The following SPICE1 variants were observed in gnomAD, a reference collection of about 807,000 sequenced individuals.
The protein encoded by SPICE1 is spindle and centriole-associated protein 1.
A neutral mutation model predicts 102.7 loss-of-function variants in SPICE1; 75 were observed. The observed-to-expected ratio is 0.73, with a 90% CI of 0.61 to 0.88. The LOEUF (loss-of-function observed/expected upper bound fraction) is 0.88, where lower values mean the gene tolerates loss of function less well. Among genes scored for constraint, SPICE1 ranks in the 40% least tolerant of loss-of-function variants. SPICE1 has a pLI of 0.00. For synonymous variants in SPICE1, 308 were observed against 350.3 expected (o/e 0.88, Z 1.35); for missense variants, 979 against 1,020.1 (o/e 0.96, Z 0.55).
chr3:113,478,940 G>C (rs1936425119), intron 7 of SPICE1, among the ~76,000 whole-genome samples: 1 of 151,722 alleles, frequency 6.6e-6, no homozygotes, highest in Non-Finnish European at 1.5e-5. Context: ...AGAGGCTCTG[G>C]AAATTTTTTT....
At chr3:113,481,762 C>T (rs1320123328) in intron 7 of SPICE1, among the ~76,000 whole-genome samples, 2 of 152,194 alleles carry the variant, frequency 1.3e-5, no homozygotes, top group African/African-American at 4.8e-5. Flanking sequence ...TTTTTTATGG[C>T]TGCATAGTAT....
chr3:113,500,534 A>G (rs1345187153), intron 3 of SPICE1, among the ~76,000 whole-genome samples: 2 of 152,166 alleles, frequency 1.3e-5, no homozygotes, highest in Non-Finnish European at 2.9e-5. Context: ...AAAGGCTTAC[A>G]TTTTTAAAAA....
chr3:113,499,270 C>G (rs756871873), intron 4 of SPICE1, 169 bp downstream of exon 4: 2 of 624,068 alleles, frequency 3.2e-6, no homozygotes, highest in South Asian at 6.9e-5. Flanking sequence ...AACCACCAAA[C>G]CAGACTCCAG....
At chr3:113,466,845 G>C (rs1936069843) in intron 10 of SPICE1, among the ~76,000 whole-genome samples, 1 of 152,088 alleles carries the variant, frequency 6.6e-6, no homozygotes, top group South Asian at 2.1e-4. Flanking sequence ...TCAGGATTTC[G>C]AGACCAGCCT....
intron 6 of SPICE1, among the ~76,000 whole-genome samples, chr3:113,490,502 C>A (rs1027682335): frequency 6.6e-6 from 1 of 152,014 alleles, no homozygotes; most frequent in African/African-American, 2.4e-5. Flanking sequence ...ATTAGGCAGG[C>A]TTGGTGGCGT....
At chr3:113,511,742 C>A (rs955734233) in intron 1 of SPICE1, among the ~76,000 whole-genome samples, 8 of 152,016 alleles carry the variant, frequency 5.3e-5, no homozygotes, top group Non-Finnish European at 1.0e-4. Flanking sequence ...CAAACCTGCA[C>A]ATACCGCACG....
rs765632602 is a variant in SPICE1 at position 113,469,254 on chromosome 3, C to A, written c.612-16G>T. 2.1e-5 allele frequency: 29 copies of A among 1,384,334 alleles called. No individual in the cohort carries two copies. Among genetic ancestry groups the A allele is most frequent in the Non-Finnish European group, 2.8e-5 (29 of 1,041,482 alleles). 85.8% of individuals were successfully genotyped at this position (1,384,334 alleles called of 1,614,324 possible). On this transcript the variant is annotated splice_polypyrimidine_tract_variant and intron_variant, in intron 7 of 17. Transcript: ENST00000295872. ...TTGGAGAAACCTATAAATTACAGGACAATAAGCTACATGAGAATTATAATA... is the reference window on the plus strand; with the variant it reads ...TTGGAGAAACCTATAAATTACAGGAAAATAAGCTACATGAGAATTATAATA...
chr3:113,465,784 T>C lies in SPICE1; in HGVS notation c.1156A>G (p.Ser386Gly), dbSNP rs148460638. ...ACTTCTTTACGTAGCTGGATCTCAC[T>C]CTACAAAAAAATATCAAATAAACTT... is the stretch of plus-strand genomic sequence containing the variant. ...LCRLVRYLKE[S>G]EIQLRKEVET... Residue 386 changes from serine to glycine, a missense_variant and splice_region_variant, in exon 11 of 18, where the codon AGT (serine) becomes GGT (glycine). Coordinates refer to ENST00000295872, the MANE Select transcript of SPICE1 (RefSeq NM_144718.4). The C allele has an allele frequency of 6.2e-7, 1 of 1,609,128 alleles. No homozygotes were observed. The highest frequency in any genetic ancestry group is 1.3e-5 in the African/African-American group (1 of 74,742).
chr3:113,482,347 A>G (rs1287355795), intron 7 of SPICE1, among the ~76,000 whole-genome samples: 1 of 152,126 alleles, frequency 6.6e-6, no homozygotes, highest in African/African-American at 2.4e-5. Flanking sequence ...ATTTTCTCCC[A>G]TTCTGTAGAT....
At chr3:113,480,932 A>AAAGAAAGAAAGAAAG (rs750705808) in intron 7 of SPICE1, among the ~76,000 whole-genome samples, 855 of 62,616 alleles carry the variant, frequency 0.014, 22 homozygotes, top group African/African-American at 0.053. Context: ...AAGAAAGAAA[A>AAAGAAAGAAAGAAAG]AAGACCTCAG....
At chr3:113,510,771 T>C (rs1323664399) in intron 1 of SPICE1, among the ~76,000 whole-genome samples, 1 of 152,014 alleles carries the variant, frequency 6.6e-6, no homozygotes, top group East Asian at 1.9e-4. Flanking sequence ...ACAAATGGAA[T>C]CCAATTAAAC....
chr3:113,449,742 A>G (rs1362199398), intron 15 of SPICE1: 2 of 152,364 alleles, frequency 1.3e-5, no homozygotes, highest in Non-Finnish European at 2.9e-5. Context: ...GCCAAAATCA[A>G]TCTCTCAGTA....
intron 6 of SPICE1, 98 bp downstream of exon 6, chr3:113,493,108 T>G (rs1936800210): frequency 1.2e-6 from 1 of 839,204 alleles, no homozygotes; most frequent in South Asian, 1.9e-5. Context: ...AACTAGCACT[T>G]GTTGATATTT....
In SPICE1 at chr3:113,450,544, A is replaced by C. The variant is rs369271027; in HGVS notation, c.2143-28T>G. On this transcript the variant is annotated intron_variant, in intron 14 of 17. Coordinates refer to ENST00000295872, the MANE Select transcript of SPICE1 (RefSeq NM_144718.4). The stretch of plus-strand genomic sequence containing the variant: ...TTGGGAGAAAAAAAAAAAAAGTACA[A>C]ATTGAATACTGAATACTGAAAAATC... 8 of 1,555,728 alleles carry C rather than the reference A, an allele frequency of 5.1e-6. No individual in the cohort carries two copies. The Admixed American group carries it at 1.5e-4, about 28-fold the overall frequency.
Position 113,468,391 on chromosome 3 carries a change from C to T in SPICE1, c.903G>A (p.Pro301=), listed in dbSNP as rs1936114721. 1.9e-6 allele frequency: 3 copies of T among 1,613,048 alleles called. No homozygotes were observed. Among genetic ancestry groups the T allele is most frequent in the Admixed American group, 1.7e-5 (1 of 59,994 alleles). ...TCGGCTTGGAAAGAGCATGCAAATT[C>T]GGTTTCCTTTTCACTGATAATGAGA... is the stretch of plus-strand genomic sequence containing the variant. The part of the protein sequence containing the change: ...KQLLNKVKRK[P]NLHALSKPKK... Residue 301 remains proline (P), a synonymous_variant, in exon 10 of 18, where the codon CCG becomes CCA. Coordinates refer to ENST00000295872, the MANE Select transcript of SPICE1 (RefSeq NM_144718.4).
At position 113,468,355 on chromosome 3, in the gene SPICE1, T is replaced by G; in HGVS notation, c.939A>C (p.Ile313=). 6.2e-7 allele frequency: 1 copy of G among 1,614,194 alleles called. No individual in the cohort carries two copies. Among genetic ancestry groups the G allele is most frequent in the Non-Finnish European group, 8.5e-7 (1 of 1,180,028 alleles). ...CTGCAGAGGTTGTGCTACCTGATGA[T>G]ATGTTTTTCTTCGGCTTGGAAAGAG... The part of the protein sequence containing the change: ...LHALSKPKKN[I]SSGSTTSADL... The change falls in exon 10 of 18, where the codon ATA becomes ATC. Residue 313 remains isoleucine (I), a synonymous_variant. Transcript: ENST00000295872.
At chr3:113,480,643 T>A (rs1936469009) in intron 7 of SPICE1, among the ~76,000 whole-genome samples, 1 of 152,050 alleles carries the variant, frequency 6.6e-6, no homozygotes. Context: ...AAAAGTCTGA[T>A]AAAATTAACA....
chr3:113,507,483 C>T (rs869342), intron 1 of SPICE1, among the ~76,000 whole-genome samples: 31,639 of 151,744 alleles, frequency 0.21, 3,556 homozygotes, highest in African/African-American at 0.29. Context: ...TCCTTAAGTA[C>T]TTTTTTTTAA....
In SPICE1 at chr3:113,460,766, T is replaced by C; in HGVS notation, c.1288-2A>G. ...GACCATGTACTGCTGAAGTCTTGCC[T>C]GGGGAGGAAAACATATGAAATAATA... On this transcript the variant is annotated splice_acceptor_variant, in intron 11 of 17. Transcript: ENST00000295872. LOFTEE classifies it high-confidence loss of function. 33 of 1,587,000 alleles carry C rather than the reference T, an allele frequency of 2.1e-5. No individual in the cohort carries two copies. Among genetic ancestry groups the C allele is most frequent in the Non-Finnish European group, 2.7e-5 (32 of 1,170,666 alleles).
Sources: allele counts gnomAD v4.1 joint callset (sites outside exome capture counted in the v4.1 genomes callset), GRCh38; gene constraint gnomAD v4.1.1; transcripts MANE v1.5; gene names NCBI Gene and HGNC (gene_info 2026-07-23, HGNC 2026-07-21).